The following DEF6 variants were observed in gnomAD, a reference collection of about 807,000 sequenced individuals.
DEF6 encodes the protein DEF6 guanine nucleotide exchange factor, also known as differentially expressed in FDCP 6 homolog.
Under a neutral mutation model 80.5 loss-of-function variants are expected in DEF6, and 32 were observed. The observed-to-expected ratio is 0.40, with a 90% CI of 0.30 to 0.53. The LOEUF (loss-of-function observed/expected upper bound fraction) is 0.53. Among genes scored for constraint, DEF6 ranks in the 20% least tolerant of loss-of-function variants. The pLI is 0.57. For missense variants in DEF6, 575 were observed against 818.7 expected, an observed-to-expected ratio of 0.70 and a Z score of 3.63; for synonymous variants, 300 against 337.9, an observed-to-expected ratio of 0.89 and a Z score of 1.23.
chr6:35,315,133 CT>C (rs1230249234), intron 5 of DEF6, among the ~76,000 whole-genome samples: 2 of 152,118 alleles, frequency 1.3e-5, no homozygotes, highest in Non-Finnish European at 2.9e-5. Context: ...GTCTTTGTGT[CT>C]CTTTTTATGC....
chr6:35,306,866 G>A (rs973905378), intron 1 of DEF6, among the ~76,000 whole-genome samples: 2 of 152,228 alleles, frequency 1.3e-5, no homozygotes, highest in African/African-American at 4.8e-5. Flanking sequence ...CTTTGGAGCA[G>A]ACCCTATCAT....
At chr6:35,317,828 TG>T in intron 5 of DEF6, 62 bp from the exon 6 acceptor site, 1 of 1,464,856 alleles carries the variant, frequency 6.8e-7, no homozygotes, top group Non-Finnish European at 9.3e-7. Flanking sequence ...GGAGCACCCT[TG>T]GGGCAGGTGG....
intron 5 of DEF6, chr6:35,313,429 G>A: frequency 3.0e-6 from 1 of 335,134 alleles, no homozygotes; most frequent in Non-Finnish European, 5.8e-6. Flanking sequence ...CATGTCATTA[G>A]GTATCCTTTA....
intron 5 of DEF6, among the ~76,000 whole-genome samples, chr6:35,313,102 A>G (rs1791489017): frequency 6.6e-6 from 1 of 152,070 alleles, no homozygotes; most frequent in Non-Finnish European, 1.5e-5. Context: ...CTTCACCCAT[A>G]TTCCATTCCC....
At chr6:35,300,920 C>T (rs1582225923) in intron 1 of DEF6, among the ~76,000 whole-genome samples, 1 of 152,248 alleles carries the variant, frequency 6.6e-6, no homozygotes, top group African/African-American at 2.4e-5. Flanking sequence ...GGCCTCCTTC[C>T]CCACTGACTA....
chr6:35,320,285 A>T (rs1305837381), intron 9 of DEF6, among the ~76,000 whole-genome samples: 1 of 152,246 alleles, frequency 6.6e-6, no homozygotes, highest in African/African-American at 2.4e-5. Context: ...TCACATCATT[A>T]TTAATCTGGG....
At chr6:35,299,381 G>T (rs756829416) in intron 1 of DEF6, among the ~76,000 whole-genome samples, 1 of 145,770 alleles carries the variant, frequency 6.9e-6, no homozygotes, top group Non-Finnish European at 1.5e-5. Flanking sequence ...ACCAGCCCCC[G>T]TGGCTTTTTG....
chr6:35,307,180 C>G (rs950808725), intron 1 of DEF6, among the ~76,000 whole-genome samples: 1 of 152,248 alleles, frequency 6.6e-6, no homozygotes, highest in African/African-American at 2.4e-5. Flanking sequence ...GGGCAGATCT[C>G]CTGAGGTCAG....
At position 35,312,702 on chromosome 6, in the gene DEF6, G is replaced by T; in HGVS notation, c.737G>T (p.Cys246Phe). Residue 246 changes from cysteine to phenylalanine, a missense_variant, in exon 5 of 11, where the codon TGC becomes TTC. Cys to Phe is a radical substitution (Grantham distance 205, BLOSUM62 -2). Transcript: ENST00000316637. This position sits in a 1 kb window ranked among gnomAD's most constrained non-coding sequence, Gnocchi z 6.6. ...TTCCAGCTGCAGCCCAGCTGCCTCT[G>T]CTACTTTGGGAGTGAAGAGTGCAAA... is the stretch of plus-strand genomic sequence containing the variant. ...RWFQLQPSCLCYFGSEECKEK... is the reference protein window; with the variant it reads ...RWFQLQPSCLFYFGSEECKEK... 6.2e-7 allele frequency: 1 copy of T among 1,613,480 alleles called. No individual in the cohort carries two copies. The highest frequency in any genetic ancestry group is 1.7e-5 in the Admixed American group (1 of 59,888).
At position 35,318,839 on chromosome 6, in the gene DEF6, A is replaced by G. The variant is rs1791554507; in HGVS notation, c.1215+368A>G. ...ACCAAGTTTGGACTAGACTTGAACTAAGTTTACAGTGAAACCAGTTTGAGA... is the reference window on the plus strand; with the variant it reads ...ACCAAGTTTGGACTAGACTTGAACTGAGTTTACAGTGAAACCAGTTTGAGA... On this transcript the variant is annotated intron_variant, in intron 7 of 10. Transcript: ENST00000316637. This position sits in a 1 kb window ranked among gnomAD's most constrained non-coding sequence, Gnocchi z 5.1. 6.6e-6 allele frequency among the ~76,000 whole-genome samples: 1 copy of G among 152,176 alleles called. No individual in the cohort carries two copies. Among genetic ancestry groups the G allele is most frequent in the African/African-American group, 2.4e-5 (1 of 41,434 alleles).
intron 5 of DEF6, 121 bp from the exon 6 acceptor site, chr6:35,317,770 G>T: frequency 1.3e-6 from 1 of 750,616 alleles, no homozygotes. Context: ...GCTCCTGGCA[G>T]AGTGGGGTCC....
intron 2 of DEF6, 142 bp from the exon 3 acceptor site, chr6:35,310,317 G>C: frequency 1.2e-6 from 1 of 810,984 alleles, no homozygotes; most frequent in Non-Finnish European, 2.0e-6. Flanking sequence ...CTGGTAATCA[G>C]CTCAGGGATC....
intron 5 of DEF6, 108 bp from the exon 6 acceptor site, chr6:35,317,783 A>C (rs1174877744): frequency 2.0e-5 from 18 of 880,416 alleles, no homozygotes; most frequent in East Asian, 3.0e-5. Context: ...TGGGGTCCCC[A>C]GGGAAGATAG....
At position 35,312,264 on chromosome 6, in the gene DEF6, C is replaced by T; in HGVS notation, c.424-38C>T. ...CCTGGTGTTGGTGCTGGCAACACCA[C>T]CTGCTGCAGCTACCAGGCCTTCCTT... On this transcript the variant is annotated intron_variant, in intron 3 of 10. Coordinates refer to ENST00000316637, the MANE Select transcript of DEF6 (RefSeq NM_022047.4). This position sits in a 1 kb window ranked among gnomAD's most constrained non-coding sequence, Gnocchi z 6.6. 1 of 1,583,948 alleles carries T rather than the reference C, an allele frequency of 6.3e-7. No individual in the cohort carries two copies. The highest frequency in any genetic ancestry group is 8.7e-7 in the Non-Finnish European group (1 of 1,155,856).
In DEF6 at chr6:35,310,636, C is replaced by T; in HGVS notation, c.415C>T (p.Pro139Ser). ...GGACAAGTACCCTCTGATCATGGTT[C>T]CTGATGAGGTGAGGGTGATGGCAGC... The part of the protein sequence containing the change: ...SEDKYPLIMV[P>S]DEVEYLLKKV... Residue 139 changes from proline to serine, a missense_variant, in exon 3 of 11, where the codon CCT (proline) becomes TCT (serine). By Grantham distance (74) the Pro-to-Ser change is moderately conservative. Transcript: ENST00000316637. 1 of 1,614,170 alleles carries T rather than the reference C, an allele frequency of 6.2e-7. No homozygotes were observed. Among genetic ancestry groups the T allele is most frequent in the South Asian group, 1.1e-5 (1 of 91,082 alleles).
Position 35,318,448 on chromosome 6 carries a change from G to T in DEF6, c.1192G>T (p.Gly398Cys). 6.8e-7 allele frequency: 1 copy of T among 1,473,962 alleles called. No homozygotes were observed. Among genetic ancestry groups the T allele is most frequent in the South Asian group, 1.3e-5 (1 of 75,730 alleles). The allele number at this position is 1,473,962 out of a possible 1,614,324, so 91.3% of individuals were successfully genotyped here. Residue 398 changes from glycine (G) to cysteine (C), a missense_variant, in exon 7 of 11, where the codon GGC becomes TGC. Physicochemically the swap from Gly to Cys is radical, Grantham distance 159. Coordinates refer to ENST00000316637, the MANE Select transcript of DEF6 (RefSeq NM_022047.4). The surrounding 1 kb of genome is among the most constrained non-coding windows in gnomAD (Gnocchi z 5.1). ...CCGCGAGCTGCAGCAGGCGCTCGAG[G>T]GCCAACTGCGCGAGGCGGAGCAGGT... Reference protein sequence around the residue: ...QHRELQQALEGQLREAEQARA... With the variant: ...QHRELQQALECQLREAEQARA...
At chr6:35,309,907 C>A in intron 2 of DEF6, 97 bp downstream of exon 2, 1 of 1,413,054 alleles carries the variant, frequency 7.1e-7, no homozygotes. Context: ...TTCGCCCCTG[C>A]CATAAACTCC....
intron 3 of DEF6, among the ~76,000 whole-genome samples, chr6:35,311,684 T>TGTAC (rs1791469050): frequency 6.6e-6 from 1 of 152,182 alleles, no homozygotes; most frequent in Admixed American, 6.5e-5. Context: ...TGCAGCAGGA[T>TGTAC]GTACCCCAGC....
chr6:35,321,682 G>A lies in DEF6; in HGVS notation c.*272G>A. On this transcript the variant is annotated 3_prime_UTR_variant, in exon 11 of 11. Transcript: ENST00000316637. ...AGGACCCGATTCTTGGGCTAGGAAAGAGAGAACAAGCAAGCCGGGGCTACC... is the reference window on the plus strand; with the variant it reads ...AGGACCCGATTCTTGGGCTAGGAAAAAGAGAACAAGCAAGCCGGGGCTACC... The A allele has an allele frequency of 3.0e-6, 1 of 332,186 alleles. No homozygotes were observed. 20.6% of individuals were successfully genotyped at this position (332,186 alleles called of 1,614,324 possible).
Sources: gnomAD v4.1 joint callset for allele counts (sites outside exome capture counted in the v4.1 genomes callset) on GRCh38, gnomAD v4.1.1 for gene constraint, Gnocchi (gnomAD v3.1) non-coding constraint, MANE v1.5 for transcripts, NCBI Gene and HGNC (gene_info 2026-07-23, HGNC 2026-07-21) for gene names.